The following COA5 variants were observed in gnomAD, a reference collection of about 807,000 sequenced individuals.
COA5 encodes protein C2orf64.
COA5 carries 11 observed loss-of-function variants against 11.8 expected under a neutral mutation model. The ratio of observed to expected loss-of-function variants is 0.93; its 90% CI spans 0.59 to 1.54. The LOEUF is 1.54. COA5 is among the 40% of genes most tolerant of loss of function. The pLI is 0.00. For synonymous variants in COA5, 38 were observed against 37.5 expected, an observed-to-expected ratio of 1.01 and a Z score of -0.05; for missense variants, 87 against 89.2, an observed-to-expected ratio of 0.97 and a Z score of 0.10.
intron 1 of COA5, among the ~76,000 whole-genome samples, chr2:98,607,891 A>G (rs1007025692): frequency 4.6e-5 from 7 of 152,262 alleles, no homozygotes; most frequent in Admixed American, 3.3e-4. Flanking sequence ...CATTGTCACA[A>G]CTGAACAGGC....
Position 98,599,730 on chromosome 2 carries a change from G to C in COA5, c.*1022C>G, listed in dbSNP as rs1003790188. The C allele has an allele frequency of 3.3e-5, 5 of 152,254 alleles. No homozygotes were observed. The highest frequency in any genetic ancestry group is 1.2e-4 in the African/African-American group (5 of 41,472). The allele number at this position is 152,254 out of a possible 1,614,324, so 9.4% of individuals were successfully genotyped here. Reference sequence around the variant, plus strand: ...TTCCTGTTTGACTCTACTGTATTAAGTGATCAGAATAAAATTACTGTAAGG... The same window carrying C: ...TTCCTGTTTGACTCTACTGTATTAACTGATCAGAATAAAATTACTGTAAGG... On this transcript the variant is annotated 3_prime_UTR_variant, in exon 3 of 3. Transcript: ENST00000328709.
chr2:98,608,266 G>C, intron 1 of COA5, 41 bp downstream of exon 1: 1 of 1,469,720 alleles, frequency 6.8e-7, no homozygotes, highest in Non-Finnish European at 9.3e-7. Context: ...GGCCTGCCTG[G>C]GACAGGGGTC....
chr2:98,600,572 G>A lies in COA5; in HGVS notation c.*180C>T. On this transcript the variant is annotated 3_prime_UTR_variant, in exon 3 of 3. Coordinates refer to ENST00000328709, the MANE Select transcript of COA5 (RefSeq NM_001008215.3). ...CTTCTAAAAATAACTTGGATCAAGA[G>A]AATCATTTACTTTATACATATTCGA... 1 of 619,090 alleles carries A rather than the reference G, an allele frequency of 1.6e-6. No homozygotes were observed. The highest frequency in any genetic ancestry group is 2.8e-5 in the East Asian group (1 of 35,876). 38.3% of individuals were successfully genotyped at this position (619,090 alleles called of 1,614,324 possible).
At chr2:98,608,227 C>T in intron 1 of COA5, 80 bp downstream of exon 1, 2 of 1,089,754 alleles carry the variant, frequency 1.8e-6, no homozygotes, top group Non-Finnish European at 2.7e-6. Context: ...ACCGCCGCCG[C>T]GGGCGACCCG....
intron 2 of COA5, among the ~76,000 whole-genome samples, chr2:98,602,913 T>G (rs527839907): frequency 6.6e-6 from 1 of 152,330 alleles, no homozygotes; most frequent in South Asian, 2.1e-4. Flanking sequence ...AGTTAAAGGT[T>G]TGCATTTTAC....
chr2:98,601,924 G>A (rs527533390), intron 2 of COA5, among the ~76,000 whole-genome samples: 1 of 152,178 alleles, frequency 6.6e-6, no homozygotes, highest in African/African-American at 2.4e-5. Flanking sequence ...CCCCTTCCCC[G>A]TCCGTGGAAA....
intron 2 of COA5, among the ~76,000 whole-genome samples, chr2:98,601,223 C>CAATA (rs758730261): frequency 0.035 from 5,166 of 149,654 alleles, 112 homozygotes; most frequent in African/African-American, 0.057. Context: ...CCAGCCTGGG[C>CAATA]AATAAATAAA....
chr2:98,608,237 G>A (rs1013546270), intron 1 of COA5, 70 bp downstream of exon 1: 3 of 1,208,564 alleles, frequency 2.5e-6, no homozygotes, highest in Admixed American at 2.0e-5. Flanking sequence ...CGGGCGACCC[G>A]CTGCCCTCCG....
chr2:98,603,453 C>G (rs1008931430), intron 2 of COA5, among the ~76,000 whole-genome samples: 1 of 152,100 alleles, frequency 6.6e-6, no homozygotes, highest in African/African-American at 2.4e-5. Flanking sequence ...TGCACTCCAG[C>G]CTGGTGACAA....
Position 98,600,505 on chromosome 2 carries a change from ATTT to A in COA5, c.*244_*246del, listed in dbSNP as rs1191413416. On this transcript the variant is annotated 3_prime_UTR_variant, in exon 3 of 3. Transcript: ENST00000328709. ...TGCTTTAGAACAATTCTCAAAACAC[ATTT>A]ATTATGCTCCCAACCCATACCTGTT... The A allele has an allele frequency of 1.9e-6, 1 of 530,988 alleles. No homozygotes were observed. The allele number at this position is 530,988 out of a possible 1,614,324, so 32.9% of individuals were successfully genotyped here.
chr2:98,606,736 G>C (rs893258256), intron 1 of COA5, among the ~76,000 whole-genome samples: 3 of 152,234 alleles, frequency 2.0e-5, no homozygotes. Context: ...TTCTTCCCTT[G>C]ACTACTCATC....
chr2:98,608,254 C>T, intron 1 of COA5, 53 bp downstream of exon 1: 1 of 1,398,226 alleles, frequency 7.2e-7, no homozygotes. Flanking sequence ...TCCGCCGAGC[C>T]AGGCCTGCCT....
At chr2:98,600,835 A>C (rs1700633239) in intron 2 of COA5, 42 bp from the exon 3 acceptor site, 1 of 1,326,886 alleles carries the variant, frequency 7.5e-7, no homozygotes, top group Non-Finnish European at 1.1e-6. Flanking sequence ...GGTACAATGT[A>C]ATTAATTAAA....
At chr2:98,603,474 C>T (rs1575224617) in intron 2 of COA5, among the ~76,000 whole-genome samples, 2 of 151,650 alleles carry the variant, frequency 1.3e-5, no homozygotes, top group South Asian at 2.1e-4. Flanking sequence ...AGTGAGACTC[C>T]GTCTCAAACA....
intron 1 of COA5, among the ~76,000 whole-genome samples, chr2:98,606,282 C>G (rs916064968): frequency 2.0e-5 from 3 of 152,220 alleles, no homozygotes; most frequent in Non-Finnish European, 4.4e-5. Context: ...TGGGCAGTAG[C>G]TGCCAACAGA....
At chr2:98,608,140 G>T in intron 1 of COA5, 167 bp downstream of exon 1, 1 of 634,790 alleles carries the variant, frequency 1.6e-6, no homozygotes, top group African/African-American at 1.8e-5. Flanking sequence ...CAGGGAACTG[G>T]GGCTCCGACA....
rs112036646 is a variant in COA5, at chr2:98,603,661, ATC to A, written c.183+445_183+446del. Among the ~76,000 whole-genome samples the A allele has an allele frequency of 4.9e-3, 752 of 152,276 alleles. 6 individuals are homozygous for A. The highest frequency in any genetic ancestry group is 0.017 in the African/African-American group (719 of 41,538). ...TTAGAATGAACCCCAGAGATTTGTA[ATC>A]TCTTTTTAGGCCCTATTTCTACAAT... On this transcript the variant is annotated intron_variant, in intron 2 of 2. Transcript: ENST00000328709.
At position 98,600,263 on chromosome 2, in the gene COA5, T is replaced by TGG; in HGVS notation, c.*488_*489insCC. On this transcript the variant is annotated 3_prime_UTR_variant, in exon 3 of 3. Coordinates refer to ENST00000328709, the MANE Select transcript of COA5 (RefSeq NM_001008215.3). ...TTACTTCAGTGAATCAGAGCACAAATGAAGTATTTCTTCTCTAAGGAATCA... is the reference window on the plus strand; with the variant it reads ...TTACTTCAGTGAATCAGAGCACAAATGGGAAGTATTTCTTCTCTAAGGAATCA... The TGG allele has an allele frequency of 5.7e-6, 1 of 176,014 alleles. No individual in the cohort carries two copies. The highest frequency in any genetic ancestry group is 1.4e-4 in the East Asian group (1 of 7,090). The allele number at this position is 176,014 out of a possible 1,614,324, so 10.9% of individuals were successfully genotyped here.
At chr2:98,601,845 C>T (rs1453957368) in intron 2 of COA5, among the ~76,000 whole-genome samples, 1 of 152,102 alleles carries the variant, frequency 6.6e-6, no homozygotes, top group East Asian at 1.9e-4. Flanking sequence ...CTAGGTGGTA[C>T]GTTCCTTATG....
Sources: gnomAD v4.1 joint callset for allele counts (sites outside exome capture counted in the v4.1 genomes callset) on GRCh38, gnomAD v4.1.1 for gene constraint, MANE v1.5 for transcripts, NCBI Gene and HGNC (gene_info 2026-07-23, HGNC 2026-07-21) for gene names.